CTAGE8: variants seen among roughly 807,000 people sequenced by gnomAD.
The protein encoded by CTAGE8 is Cutaneous T-cell lymphoma-associated antigen 8.
For missense variants in CTAGE8, 45 were observed against 284.9 expected, an observed-to-expected ratio of 0.16 and a Z score of 6.06; for synonymous variants, 10 against 100.1, an observed-to-expected ratio of 0.10 and a Z score of 5.37.
Position 144,267,335 on chromosome 7 carries a change from G to A in CTAGE8, c.1916C>T (p.Pro639Leu), listed in dbSNP as rs199675416. The A allele has an allele frequency of 0.052, 74,597 of 1,446,120 alleles. 121 individuals are homozygous for A. Among genetic ancestry groups the A allele is most frequent in the Middle Eastern group, 0.096 (456 of 4,746 alleles). 89.6% of individuals were successfully genotyped at this position (1,446,120 alleles called of 1,614,324 possible). ...FYSNSERLSGPAEPRSFKMTS... is the reference protein window; with the variant it reads ...FYSNSERLSGLAEPRSFKMTS... ...CATTTTAAAACTTCTGGGTTCTGCTGGTCCAGACAGTCTTTCAGAATTAGA... is the reference window on the plus strand; with the variant it reads ...CATTTTAAAACTTCTGGGTTCTGCTAGTCCAGACAGTCTTTCAGAATTAGA... The change falls in exon 1 of 1, where the codon CCA becomes CTA. Residue 639 changes from proline to leucine, a missense_variant. By Grantham distance (98) the Pro-to-Leu change is moderately conservative. Transcript: ENST00000487179.
rs1340303861 is a variant in CTAGE8 at position 144,267,576 on chromosome 7, T to G, written c.1675A>C (p.Arg559=). The change falls in exon 1 of 1, where the codon AGA becomes CGA. Residue 559 remains arginine (R), a synonymous_variant. Transcript: ENST00000487179. ...GGATTCCCTGGGCTGCTTGGGCCTC[T>G]TCCTCCTCCCCCTGGAAGCACAGGT... ...LSPVLPGGGG[R]GPSSPGNPLD... is the part of the protein sequence containing the mutation. 8 of 433,146 alleles carry G rather than the reference T, an allele frequency of 1.8e-5. 1 individual carries two copies. The Admixed American group carries it at 5.0e-4, about 27-fold the overall frequency. 26.8% of individuals were successfully genotyped at this position (433,146 alleles called of 1,614,324 possible). A position where few individuals can be genotyped will look rare whatever the true frequency, so the allele number is the denominator to read the frequency against.
Position 144,266,962 on chromosome 7 carries a change from A to T in CTAGE8, c.2289T>A (p.Pro763=). Residue 763 remains proline, a synonymous_variant, in exon 1 of 1, where the codon CCT becomes CCA. Transcript: ENST00000487179. ...RNIYPPRGLP[P]YLHPRPGFYP... ...AAAATCCAGGTCTCGGATGAAGGTA[A>T]GGAGGTAAACCCCTCGGTGGATAGA... 1 of 1,417,392 alleles carries T rather than the reference A, an allele frequency of 7.1e-7. No homozygotes were observed. Among genetic ancestry groups the T allele is most frequent in the South Asian group, 1.2e-5 (1 of 82,398 alleles). 87.8% of individuals were successfully genotyped at this position (1,417,392 alleles called of 1,614,324 possible).
Position 144,268,959 on chromosome 7 carries a change from GGC to G in CTAGE8, c.290_291del (p.Ser97ThrfsTer7). Reference sequence around the variant, plus strand: ...TAGCCTTCATACTCTTTTTGAATAAGGCTAAACTTTTCAAGTAGTTTACATTT... The same window carrying G: ...TAGCCTTCATACTCTTTTTGAATAAGTAAACTTTTCAAGTAGTTTACATTT... ...EEKCKLLEKF[S>X]LIQKEYEGYE... is the part of the protein sequence containing the mutation. On this transcript the variant is annotated frameshift_variant, in exon 1 of 1. Coordinates refer to ENST00000487179, the MANE Select transcript of CTAGE8 (RefSeq NM_001278507.2). LOFTEE classifies it low-confidence loss of function (END_TRUNC). 1 of 125,304 alleles carries G rather than the reference GGC, an allele frequency of 8.0e-6. No individual in the cohort carries two copies. The highest frequency in any genetic ancestry group is 5.9e-5 in the South Asian group (1 of 16,974). The allele number at this position is 125,304 out of a possible 1,614,324, so 7.8% of individuals were successfully genotyped here.
In CTAGE8 at chr7:144,266,976, T is replaced by C. The variant is rs2052715258; in HGVS notation, c.2275A>G (p.Arg759Gly). 1 of 1,428,674 alleles carries C rather than the reference T, an allele frequency of 7.0e-7. No homozygotes were observed. 88.5% of individuals were successfully genotyped at this position (1,428,674 alleles called of 1,614,324 possible). A position where few individuals can be genotyped will look rare whatever the true frequency, so the allele number is the denominator to read the frequency against. ...GGATGAAGGTAAGGAGGTAAACCCCTCGGTGGATAGATGTTTCTCATTGCA... is the reference window on the plus strand; with the variant it reads ...GGATGAAGGTAAGGAGGTAAACCCCCCGGTGGATAGATGTTTCTCATTGCA... ...PFAMRNIYPPRGLPPYLHPRP... is the reference protein window; with the variant it reads ...PFAMRNIYPPGGLPPYLHPRP... Residue 759 changes from arginine (R) to glycine (G), a missense_variant, in exon 1 of 1, where the codon AGG (arginine) becomes GGG (glycine). By Grantham distance (125) the Arg-to-Gly change is moderately radical (BLOSUM62 -2). Coordinates refer to ENST00000487179, the MANE Select transcript of CTAGE8 (RefSeq NM_001278507.2).
Position 144,267,537 on chromosome 7 carries a change from T to C in CTAGE8, c.1714A>G (p.Ile572Val). The change falls in exon 1 of 1, where the codon ATT becomes GTT. Residue 572 changes from isoleucine to valine, a missense_variant. By Grantham distance (29) the Ile-to-Val change is conservative (BLOSUM62 3). Coordinates refer to ENST00000487179, the MANE Select transcript of CTAGE8 (RefSeq NM_001278507.2). ...SSPGNPLDHQITNERGEPSYD... is the reference protein window; with the variant it reads ...SSPGNPLDHQVTNERGEPSYD... ...CTTGGTTCTCCTCTTTCATTGGTAA[T>C]CTGATGGTCCAGGGGATTCCCTGGG... The C allele has an allele frequency of 5.2e-6, 3 of 574,024 alleles. No individual in the cohort carries two copies. Among genetic ancestry groups the C allele is most frequent in the Non-Finnish European group, 7.7e-6 (3 of 391,664 alleles). 35.6% of individuals were successfully genotyped at this position (574,024 alleles called of 1,614,324 possible). A position where few individuals can be genotyped will look rare whatever the true frequency, so the allele number is the denominator to read the frequency against.
In CTAGE8 at chr7:144,267,051, G is replaced by T. The variant is rs1257752557; in HGVS notation, c.2200C>A (p.Arg734=). The part of the protein sequence containing the change: ...PPPGTMFGAS[R]GYFPPRDFPG... ...AAATCCCTTGGTGGAAAATAACCTCGAGAAGCTCCAAACATGGTTCCTGGA... is the reference window on the plus strand; with the variant it reads ...AAATCCCTTGGTGGAAAATAACCTCTAGAAGCTCCAAACATGGTTCCTGGA... Residue 734 remains arginine (R), a synonymous_variant, in exon 1 of 1, where the codon CGA becomes AGA. Transcript: ENST00000487179. 3 of 596,652 alleles carry T rather than the reference G, an allele frequency of 5.0e-6. No individual in the cohort carries two copies. The African/African-American group carries it at 6.6e-5, about 13-fold the overall frequency. 37.0% of individuals were successfully genotyped at this position (596,652 alleles called of 1,614,324 possible).
chr7:144,266,913 A>C lies in CTAGE8; in HGVS notation c.*4T>G. 7.6e-7 allele frequency: 1 copy of C among 1,316,862 alleles called. No homozygotes were observed. The highest frequency in any genetic ancestry group is 1.0e-6 in the Non-Finnish European group (1 of 981,730). The allele number at this position is 1,316,862 out of a possible 1,614,324, so 81.6% of individuals were successfully genotyped here. Reference sequence around the variant, plus strand: ...TCAATCCTGAAGGGAACTCGCTTCTACCTTCAGAATGTGGGGTTGGGGTAA... The same window carrying C: ...TCAATCCTGAAGGGAACTCGCTTCTCCCTTCAGAATGTGGGGTTGGGGTAA... On this transcript the variant is annotated 3_prime_UTR_variant, in exon 1 of 1. Transcript: ENST00000487179.
Position 144,267,143 on chromosome 7 carries a change from C to T in CTAGE8, c.2108G>A (p.Gly703Glu). ...CCTTGTATCCACTGGAAACAATGGT[C>T]CTCTGACTGGAGCAAGAGGTGGAGG... Reference protein sequence around the residue: ...FIPPPLAPVRGPLFPVDTRGP... With the variant: ...FIPPPLAPVREPLFPVDTRGP... Residue 703 changes from glycine to glutamate, a missense_variant, in exon 1 of 1, where the codon GGA (glycine) becomes GAA (glutamate). Transcript: ENST00000487179. The T allele has an allele frequency of 1.9e-6, 3 of 1,572,032 alleles. No homozygotes were observed. The highest frequency in any genetic ancestry group is 2.6e-6 in the Non-Finnish European group (3 of 1,153,780).
Position 144,266,889 on chromosome 7 carries a change from C to T in CTAGE8, c.*28G>A. 8.3e-7 allele frequency: 1 copy of T among 1,204,922 alleles called. No individual in the cohort carries two copies. Among genetic ancestry groups the T allele is most frequent in the Non-Finnish European group, 1.1e-6 (1 of 894,070 alleles). The allele number at this position is 1,204,922 out of a possible 1,614,324, so 74.6% of individuals were successfully genotyped here. ...TAGCAGGCTCCTTTGAAGGCGGAAT[C>T]AATCCTGAAGGGAACTCGCTTCTAC... On this transcript the variant is annotated 3_prime_UTR_variant, in exon 1 of 1. Transcript: ENST00000487179.
Sources: allele counts gnomAD v4.1 joint callset, GRCh38; gene constraint gnomAD v4.1.1; transcripts MANE v1.5; gene names NCBI Gene and HGNC (gene_info 2026-07-23, HGNC 2026-07-21).